The following AKAP6 variants were observed in gnomAD, a reference collection of about 807,000 sequenced individuals.
The protein encoded by AKAP6 is A-kinase anchoring protein 6, also known as A-kinase anchor protein 6.
Under a neutral mutation model 188.5 loss-of-function variants are expected in AKAP6, and 58 were observed. That is an observed-to-expected ratio of 0.31 (90% CI 0.25 to 0.38). AKAP6 has a LOEUF of 0.38. Among genes scored for constraint, AKAP6 ranks in the 10% least tolerant of loss-of-function variants. The probability of loss-of-function intolerance (pLI) is 1.00; values close to 1 mark genes in which losing one functional copy is unlikely to be tolerated. For synonymous variants in AKAP6, 989 were observed against 998.6 expected, an observed-to-expected ratio of 0.99 and a Z score of 0.18; for missense variants, 2,710 against 2,740.0, an observed-to-expected ratio of 0.99 and a Z score of 0.24.
chr14:32,586,552 G>C (rs1050076636), intron 5 of AKAP6, among the ~76,000 whole-genome samples: 2 of 152,140 alleles, frequency 1.3e-5, no homozygotes, highest in Non-Finnish European at 2.9e-5. Context: ...TCTTGAACCC[G>C]GAAGGCAGAG....
At chr14:32,805,844 T>C (rs1216821820) in intron 12 of AKAP6, among the ~76,000 whole-genome samples, 2 of 152,002 alleles carry the variant, frequency 1.3e-5, no homozygotes, top group Non-Finnish European at 2.9e-5. Context: ...TGTTTAGACA[T>C]CCAGGGGGTT....
chr14:32,415,517 T>C (rs1889629339), intron 1 of AKAP6, among the ~76,000 whole-genome samples: 1 of 152,180 alleles, frequency 6.6e-6, no homozygotes, highest in South Asian at 2.1e-4. Flanking sequence ...TTTTAAAAAA[T>C]TGTGGTAAAA....
At chr14:32,390,215 A>G (rs1049648141) in intron 1 of AKAP6, among the ~76,000 whole-genome samples, 1 of 151,908 alleles carries the variant, frequency 6.6e-6, no homozygotes, top group Admixed American at 6.6e-5. Flanking sequence ...TTTCTTATTT[A>G]TGGTATCTAT....
chr14:32,535,387 T>G (rs550917852), intron 2 of AKAP6, among the ~76,000 whole-genome samples, 167 bp from the exon 3 acceptor site: 1 of 152,318 alleles, frequency 6.6e-6, no homozygotes, highest in East Asian at 1.9e-4. Context: ...CACAGGAATA[T>G]GGCCTGCAAC....
At chr14:32,452,421 G>A (rs528079033) in intron 2 of AKAP6, among the ~76,000 whole-genome samples, 1 of 152,246 alleles carries the variant, frequency 6.6e-6, no homozygotes, top group African/African-American at 2.4e-5. Flanking sequence ...TGGATATATA[G>A]GTTGCTTCTG....
At chr14:32,685,461 A>T (rs1470076185) in intron 8 of AKAP6, among the ~76,000 whole-genome samples, 2 of 151,966 alleles carry the variant, frequency 1.3e-5, no homozygotes, top group Admixed American at 1.3e-4. Flanking sequence ...GTGGGATTAC[A>T]TGCCTGTAAT....
Position 32,824,344 on chromosome 14 carries a change from T to C in AKAP6, c.6531T>C (p.Asn2177=). Residue 2177 remains asparagine (N), a synonymous_variant, in exon 13 of 14, where the codon AAT becomes AAC. Transcript: ENST00000280979. ...CTTGTTTCTCTAGTGCTCCTCCAAA[T>C]GAATCTGCAGTTCCCAGCGAAGCTG... ...EEPCFSSAPP[N]ESAVPSEAAM... 6.2e-7 allele frequency: 1 copy of C among 1,613,900 alleles called. No individual in the cohort carries two copies.
In AKAP6 at chr14:32,821,462, C is replaced by T; in HGVS notation, c.3649C>T (p.Leu1217=). ...MDLNGMSEDA[L]EWDEMDISNK... ...CCTAAATGGGATGAGTGAGGATGCC[C>T]TGGAATGGGATGAAATGGACATAAG... The change falls in exon 13 of 14, where the codon CTG becomes TTG. Residue 1217 remains leucine (L), a synonymous_variant. Coordinates refer to ENST00000280979, the MANE Select transcript of AKAP6 (RefSeq NM_004274.5). The T allele has an allele frequency of 1.2e-6, 2 of 1,613,536 alleles. No homozygotes were observed. The highest frequency in any genetic ancestry group is 8.5e-7 in the Non-Finnish European group (1 of 1,179,706).
At chr14:32,614,969 G>A (rs564938492) in intron 7 of AKAP6, among the ~76,000 whole-genome samples, 1 of 151,774 alleles carries the variant, frequency 6.6e-6, no homozygotes, top group South Asian at 2.1e-4. Context: ...AAGAGATCGA[G>A]ACCATCCTGG....
At chr14:32,676,303 T>C (rs1163272928) in intron 7 of AKAP6, among the ~76,000 whole-genome samples, 1 of 152,238 alleles carries the variant, frequency 6.6e-6, no homozygotes, top group African/African-American at 2.4e-5. Context: ...GTTGTGTTTC[T>C]GATTGTTGAC....
At chr14:32,605,587 G>A (rs373478880) in intron 7 of AKAP6, among the ~76,000 whole-genome samples, 1 of 152,128 alleles carries the variant, frequency 6.6e-6, no homozygotes, top group African/African-American at 2.4e-5. Context: ...TATTGTTTAA[G>A]CCAAAATTTT....
intron 8 of AKAP6, among the ~76,000 whole-genome samples, chr14:32,683,897 A>G (rs1259821573): frequency 6.6e-6 from 1 of 152,222 alleles, no homozygotes; most frequent in Non-Finnish European, 1.5e-5. Flanking sequence ...GACAACAGCA[A>G]TAGAAACTGA....
At chr14:32,338,974 T>C (rs933429142) in intron 1 of AKAP6, among the ~76,000 whole-genome samples, 3 of 152,186 alleles carry the variant, frequency 2.0e-5, no homozygotes, top group Non-Finnish European at 4.4e-5. Flanking sequence ...AACTCTTTAA[T>C]ATATTTTAAA....
chr14:32,448,225 G>A (rs2383304), intron 2 of AKAP6, among the ~76,000 whole-genome samples: 32,602 of 152,022 alleles, frequency 0.21, 4,600 homozygotes, highest in Middle Eastern at 0.33. Context: ...CACTGTAAGC[G>A]GAGGGAACTA....
At chr14:32,572,158 T>G (rs981746675) in intron 4 of AKAP6, among the ~76,000 whole-genome samples, 3 of 152,162 alleles carry the variant, frequency 2.0e-5, no homozygotes, top group Non-Finnish European at 4.4e-5. Flanking sequence ...TGTGGTACAG[T>G]GGGAGGAATA....
intron 1 of AKAP6, among the ~76,000 whole-genome samples, chr14:32,404,249 T>C (rs1889197732): frequency 6.6e-6 from 1 of 152,170 alleles, no homozygotes; most frequent in African/African-American, 2.4e-5. Context: ...CTGCCTGGAA[T>C]TAATTCTTTC....
intron 11 of AKAP6, among the ~76,000 whole-genome samples, chr14:32,773,253 G>T (rs2032953426): frequency 6.6e-6 from 1 of 151,824 alleles, no homozygotes; most frequent in South Asian, 2.1e-4. Flanking sequence ...TGAACTTTTT[G>T]CCTCCAAAGA....
chr14:32,597,617 A>G (rs907599007), intron 5 of AKAP6, among the ~76,000 whole-genome samples: 1 of 152,170 alleles, frequency 6.6e-6, no homozygotes, highest in Non-Finnish European at 1.5e-5. Flanking sequence ...ATTTTATTTT[A>G]TTCAACCAGA....
At chr14:32,338,498 A>G (rs1886788284) in intron 1 of AKAP6, among the ~76,000 whole-genome samples, 3 of 152,292 alleles carry the variant, frequency 2.0e-5, no homozygotes, top group Middle Eastern at 6.8e-3. Context: ...ATATATATAT[A>G]TAGACTGAAA....
Sources: allele counts gnomAD v4.1 joint callset (sites outside exome capture counted in the v4.1 genomes callset), GRCh38; gene constraint gnomAD v4.1.1; transcripts MANE v1.5; gene names NCBI Gene and HGNC (gene_info 2026-07-23, HGNC 2026-07-21).